Variants in STARD13 observed in about 807,000 individuals in gnomAD.
STARD13 encodes the protein stAR-related lipid transfer protein 13.
A neutral mutation model predicts 106.4 loss-of-function variants in STARD13; 62 were observed. That is an observed-to-expected ratio of 0.58 (90% CI 0.48 to 0.72). The LOEUF is 0.72. Among genes scored for constraint, STARD13 ranks in the 30% least tolerant of loss-of-function variants. The pLI is 0.00. For missense variants in STARD13, 1,387 were observed against 1,424.0 expected, an observed-to-expected ratio of 0.97 and a Z score of 0.42; for synonymous variants, 565 against 553.0, an observed-to-expected ratio of 1.02 and a Z score of -0.31.
At chr13:33,554,322 G>A in the STARD13 span, among the ~76,000 whole-genome samples, 1 of 152,268 alleles carries the variant, frequency 6.6e-6, no homozygotes, top group South Asian at 2.1e-4. Flanking sequence ...AGGCAGTGAT[G>A]GTGGCAGTGA....
the STARD13 span, among the ~76,000 whole-genome samples, chr13:33,671,926 A>T: frequency 6.6e-6 from 1 of 152,180 alleles, no homozygotes; most frequent in South Asian, 2.1e-4. Flanking sequence ...GTGGGAGTGT[A>T]AATTAGTTCA....
At chr13:33,225,680 G>C (rs1888588665) in intron 1 of STARD13, among the ~76,000 whole-genome samples, 1 of 151,596 alleles carries the variant, frequency 6.6e-6, no homozygotes, top group East Asian at 1.9e-4. Context: ...CATTTCCTTG[G>C]CACAATGATC....
the STARD13 span, among the ~76,000 whole-genome samples, chr13:33,576,937 C>A: frequency 6.6e-6 from 1 of 152,104 alleles, no homozygotes; most frequent in Admixed American, 6.5e-5. Flanking sequence ...TTAAAGCCAC[C>A]AGCTGTCTAA....
intron 1 of STARD13, among the ~76,000 whole-genome samples, chr13:33,248,571 T>C (rs1263801903): frequency 6.6e-6 from 1 of 152,184 alleles, no homozygotes; most frequent in African/African-American, 2.4e-5. Context: ...TTAGGTACAG[T>C]GACTCCCACT....
chr13:33,649,869 A>C, the STARD13 span, among the ~76,000 whole-genome samples: 1 of 152,032 alleles, frequency 6.6e-6, no homozygotes, highest in Non-Finnish European at 1.5e-5. Context: ...AACCAAAACC[A>C]CCCCAATTAA....
rs571490215 is a variant in STARD13 at position 33,184,177 on chromosome 13, C to T, written c.170-16555G>A. On this transcript the variant is annotated intron_variant, in intron 1 of 13. Transcript: ENST00000336934. ...TCTGATAATTATAGCCACCTCCACTCTATGATCTCTGGCCATCTTGAATTC... is the reference window on the plus strand; with the variant it reads ...TCTGATAATTATAGCCACCTCCACTTTATGATCTCTGGCCATCTTGAATTC... Among the ~76,000 whole-genome samples, 5 of 152,314 alleles carry T rather than the reference C, an allele frequency of 3.3e-5. No individual in the cohort carries two copies. The South Asian group carries it at 1.0e-3, about 32-fold the overall frequency.
intron 1 of STARD13, among the ~76,000 whole-genome samples, chr13:33,284,680 C>T (rs560045598): frequency 2.0e-5 from 3 of 151,004 alleles, no homozygotes; most frequent in African/African-American, 7.3e-5. Context: ...TAGGAATGTT[C>T]GTCTTTCTGC....
At chr13:33,360,470 C>A in the STARD13 span, among the ~76,000 whole-genome samples, 1 of 151,784 alleles carries the variant, frequency 6.6e-6, no homozygotes, top group African/African-American at 2.4e-5. Context: ...TCCCAAAATG[C>A]TGGGATTACA....
At chr13:33,609,105 A>AAAAAAG in the STARD13 span, among the ~76,000 whole-genome samples, 48 of 133,172 alleles carry the variant, frequency 3.6e-4, 2 homozygotes, top group African/African-American at 1.3e-3. Flanking sequence ...AAAAAAAAAA[A>AAAAAAG]AAATATTGAT....
the STARD13 span, among the ~76,000 whole-genome samples, chr13:33,539,187 G>T: frequency 6.6e-6 from 1 of 152,164 alleles, no homozygotes; most frequent in Non-Finnish European, 1.5e-5. Flanking sequence ...TAAAAACCAT[G>T]AAATGTGTTG....
intron 1 of STARD13, among the ~76,000 whole-genome samples, chr13:33,340,871 C>T (rs2077952175): frequency 2.0e-5 from 3 of 152,152 alleles, no homozygotes; most frequent in African/African-American, 4.8e-5. Flanking sequence ...ATTTGGGCAG[C>T]ATAGTAAAAT....
chr13:33,376,621 TAA>T, the STARD13 span, among the ~76,000 whole-genome samples: 2 of 143,734 alleles, frequency 1.4e-5, no homozygotes, highest in Non-Finnish European at 3.1e-5. Flanking sequence ...ACCCCATCTT[TAA>T]AAAAAAAAAA....
the STARD13 span, among the ~76,000 whole-genome samples, chr13:33,454,998 C>G: frequency 6.6e-6 from 1 of 152,194 alleles, no homozygotes; most frequent in South Asian, 2.1e-4. Context: ...CCCAACTGTC[C>G]AGAAGGATTT....
chr13:33,287,753 G>A (rs1207116950), upstream of STARD13, among the ~76,000 whole-genome samples: 3 of 152,140 alleles, frequency 2.0e-5, no homozygotes, highest in Non-Finnish European at 4.4e-5. Flanking sequence ...AACACTGGGA[G>A]CATCTGTGTC....
the STARD13 span, chr13:33,355,740 G>C: frequency 6.6e-6 from 1 of 152,168 alleles, no homozygotes; most frequent in Admixed American, 6.5e-5. Context: ...AAGTTCTGGA[G>C]AAGCTGACTT....
intron 1 of STARD13, among the ~76,000 whole-genome samples, chr13:33,261,893 C>T (rs139816808): frequency 3.5e-4 from 54 of 152,242 alleles, no homozygotes; most frequent in African/African-American, 1.2e-3. Flanking sequence ...TGCTTGGGTT[C>T]GGAAGGCAGG....
chr13:33,654,747 C>G, the STARD13 span: 1 of 152,170 alleles, frequency 6.6e-6, no homozygotes, highest in African/African-American at 2.4e-5. Context: ...AGGTTAGTTC[C>G]TGATTTTACC....
At chr13:33,320,771 G>C (rs1893529956) in intron 1 of STARD13, among the ~76,000 whole-genome samples, 1 of 152,180 alleles carries the variant, frequency 6.6e-6, no homozygotes, top group Non-Finnish European at 1.5e-5. Flanking sequence ...AGGAATCTGA[G>C]ACCAGCTTGG....
chr13:33,126,155 G>A lies in STARD13; in HGVS notation c.2008C>T (p.Gln670Ter), dbSNP rs2138145351. Residue 670 changes from glutamine (Q) to a stop codon, truncating the protein, a stop_gained, in exon 7 of 14, where the codon CAA (glutamine) becomes TAA (stop). Coordinates refer to ENST00000336934, the MANE Select transcript of STARD13 (RefSeq NM_178006.4). LOFTEE classifies it high-confidence loss of function. ...TGAGGCAGGGGCTGTCCCGTTCTTT[G>A]GACGTGGACTATGAGAGGAACGCCA... ...VFGVPLIVHV[Q>*]RTGQPLPQSI... is the part of the protein sequence containing the mutation. The A allele has an allele frequency of 6.2e-7, 1 of 1,614,156 alleles. No homozygotes were observed. The highest frequency in any genetic ancestry group is 2.2e-5 in the East Asian group (1 of 44,884).
Sources: allele counts gnomAD v4.1 joint callset (sites outside exome capture counted in the v4.1 genomes callset), GRCh38; gene constraint gnomAD v4.1.1; transcripts MANE v1.5; gene names NCBI Gene and HGNC (gene_info 2026-07-23, HGNC 2026-07-21).